Variants in CTNNA2 observed in about 807,000 individuals in gnomAD.
The protein encoded by CTNNA2 is catenin alpha-2.
Under a neutral mutation model 101.0 loss-of-function variants are expected in CTNNA2, and 42 were observed. That is an observed-to-expected ratio of 0.42 (90% CI 0.32 to 0.54). The LOEUF (loss-of-function observed/expected upper bound fraction) is 0.54, where lower values mean the gene tolerates loss of function less well. Ranked by LOEUF, CTNNA2 falls within the 20% of genes least tolerant of loss-of-function variation. The pLI is 0.14. For synonymous variants in CTNNA2, 450 were observed against 456.4 expected, an observed-to-expected ratio of 0.99 and a Z score of 0.18; for missense variants, 871 against 1,223.1, an observed-to-expected ratio of 0.71 and a Z score of 4.29.
chr2:79,702,861 G>A (rs575746036), intron 2 of CTNNA2, among the ~76,000 whole-genome samples: 4 of 152,250 alleles, frequency 2.6e-5, no homozygotes, highest in East Asian at 3.9e-4. Flanking sequence ...TTACTGCTAC[G>A]AAAGTCTAAA....
chr2:79,825,290 A>G (rs1678339485), intron 3 of CTNNA2, among the ~76,000 whole-genome samples: 1 of 152,188 alleles, frequency 6.6e-6, no homozygotes, highest in South Asian at 2.1e-4. Context: ...ACAGGACTTT[A>G]AAGTGATGAT....
In CTNNA2 at chr2:79,652,522, T is replaced by C. The variant is rs139459234; in HGVS notation, c.102+864T>C. Among the ~76,000 whole-genome samples, 14 of 152,254 alleles carry C rather than the reference T, an allele frequency of 9.2e-5. No homozygotes were observed. In the East Asian group the frequency reaches 2.7e-3, roughly 29 times the overall value. ...GCATCTTCAAATTTCTCTTGCACTCTGACCTTTGCTTTTGTCCTTGCATCC... is the reference window on the plus strand; with the variant it reads ...GCATCTTCAAATTTCTCTTGCACTCCGACCTTTGCTTTTGTCCTTGCATCC... On this transcript the variant is annotated intron_variant, in intron 2 of 18. Coordinates refer to ENST00000402739, the MANE Select transcript of CTNNA2 (RefSeq NM_001282597.3).
At position 80,081,721 on chromosome 2, in the gene CTNNA2, C is replaced by T. The variant is rs182573332; in HGVS notation, c.1056+171924C>T. ...CTATTTTCCATCCAAGTTACTACTCCGCTAAGACAATCTCTCTCTCTCTCT... is the reference window on the plus strand; with the variant it reads ...CTATTTTCCATCCAAGTTACTACTCTGCTAAGACAATCTCTCTCTCTCTCT... On this transcript the variant is annotated intron_variant, in intron 7 of 18. Transcript: ENST00000402739. Among the ~76,000 whole-genome samples, 373 of 151,890 alleles carry T rather than the reference C, an allele frequency of 2.5e-3. 2 individuals carry two copies. The highest frequency in any genetic ancestry group is 8.0e-3 in the African/African-American group (333 of 41,434).
intron 1 of CTNNA2, among the ~76,000 whole-genome samples, chr2:79,543,969 A>G (rs1033851639): frequency 6.6e-6 from 1 of 152,014 alleles, no homozygotes; most frequent in African/African-American, 2.4e-5. Context: ...TTGGAAATGG[A>G]GTCTCACTCT....
chr2:79,706,107 G>C (rs190651706), intron 2 of CTNNA2, among the ~76,000 whole-genome samples: 4 of 152,098 alleles, frequency 2.6e-5, no homozygotes, highest in Admixed American at 2.0e-4. Context: ...GCTTATACCT[G>C]TAATCCCAGC....
At chr2:80,434,681 G>T (rs1681873352) in intron 9 of CTNNA2, among the ~76,000 whole-genome samples, 1 of 151,780 alleles carries the variant, frequency 6.6e-6, no homozygotes, top group Non-Finnish European at 1.5e-5. Flanking sequence ...TGCCTAGGCT[G>T]GTCTGGAACT....
At chr2:79,938,569 C>A (rs1249525099) in intron 7 of CTNNA2, among the ~76,000 whole-genome samples, 1 of 152,130 alleles carries the variant, frequency 6.6e-6, no homozygotes, top group Admixed American at 6.5e-5. Flanking sequence ...GCGATCTGTT[C>A]GCATTATGCA....
chr2:79,622,827 C>G (rs1430190394), intron 1 of CTNNA2, among the ~76,000 whole-genome samples: 1 of 152,002 alleles, frequency 6.6e-6, no homozygotes, highest in African/African-American at 2.4e-5. Flanking sequence ...TTTTTAATGG[C>G]CGAGTCTGTA....
At chr2:79,781,425 C>T (rs960514518) in intron 3 of CTNNA2, among the ~76,000 whole-genome samples, 9 of 152,070 alleles carry the variant, frequency 5.9e-5, no homozygotes, top group African/African-American at 1.7e-4. Flanking sequence ...TCTGGGAATG[C>T]GGCCCAGTAG....
chr2:80,233,684 T>C (rs1288761226), intron 7 of CTNNA2, among the ~76,000 whole-genome samples: 1 of 152,176 alleles, frequency 6.6e-6, no homozygotes, highest in African/African-American at 2.4e-5. Context: ...GTGATGACAA[T>C]TAGCAGTCAG....
chr2:80,097,923 G>A (rs1700266900), intron 7 of CTNNA2, among the ~76,000 whole-genome samples: 1 of 151,958 alleles, frequency 6.6e-6, no homozygotes, highest in Non-Finnish European at 1.5e-5. Context: ...TTTTTTCAAG[G>A]TTTTTAACTT....
intron 8 of CTNNA2, among the ~76,000 whole-genome samples, chr2:80,410,438 G>A (rs533497009): frequency 1.1e-4 from 17 of 152,308 alleles, no homozygotes; most frequent in African/African-American, 4.1e-4. Context: ...ACCTTTAAAT[G>A]TCTTGTCTTA....
chr2:80,118,996 TA>T (rs1475453563), intron 7 of CTNNA2, among the ~76,000 whole-genome samples: 7 of 152,216 alleles, frequency 4.6e-5, no homozygotes, highest in Non-Finnish European at 1.0e-4. Context: ...GTGGATGCAA[TA>T]CGCTACCCTC....
chr2:79,757,237 A>G (rs114287710), intron 3 of CTNNA2, among the ~76,000 whole-genome samples: 2 of 149,984 alleles, frequency 1.3e-5, no homozygotes, highest in African/African-American at 5.0e-5. Flanking sequence ...ATATTTATAG[A>G]TTATTAACTG....
chr2:79,658,210 T>TTAGA (rs1402436822), intron 2 of CTNNA2, among the ~76,000 whole-genome samples: 2 of 152,094 alleles, frequency 1.3e-5, no homozygotes, highest in African/African-American at 4.8e-5. Context: ...TGCATAGGCT[T>TTAGA]TAGAGTCAGA....
At chr2:80,418,346 A>G (rs1680216964) in intron 8 of CTNNA2, among the ~76,000 whole-genome samples, 1 of 152,240 alleles carries the variant, frequency 6.6e-6, no homozygotes, top group South Asian at 2.1e-4. Flanking sequence ...TAAATGACAC[A>G]TTATACATGA....
intron 2 of CTNNA2, among the ~76,000 whole-genome samples, chr2:79,266,868 T>C (rs1454930650): frequency 6.6e-6 from 1 of 152,060 alleles, no homozygotes; most frequent in African/African-American, 2.4e-5. Flanking sequence ...ATGTATTTCA[T>C]GAAAGCAATA....
In CTNNA2 at chr2:80,430,031, G is replaced by T. The variant is rs1194640471; in HGVS notation, c.1290+10430G>T. 2.0e-5 allele frequency among the ~76,000 whole-genome samples: 3 copies of T among 152,174 alleles called. No homozygotes were observed. The East Asian group carries it at 5.8e-4, about 29-fold the overall frequency. On this transcript the variant is annotated intron_variant, in intron 9 of 18. Coordinates refer to ENST00000402739, the MANE Select transcript of CTNNA2 (RefSeq NM_001282597.3). Reference sequence around the variant, plus strand: ...AAATCAATTTTTTTCATATGTAAGAGAAACCAACTATTAGTTTCCATGAAA... The same window carrying T: ...AAATCAATTTTTTTCATATGTAAGATAAACCAACTATTAGTTTCCATGAAA...
intron 7 of CTNNA2, among the ~76,000 whole-genome samples, chr2:80,050,909 G>A (rs1008969888): frequency 2.6e-5 from 4 of 151,998 alleles, no homozygotes; most frequent in Admixed American, 1.3e-4. Flanking sequence ...TTTTCGTAGC[G>A]ATGGAGTCTC....
Sources: allele counts gnomAD v4.1 joint callset (sites outside exome capture counted in the v4.1 genomes callset), GRCh38; gene constraint gnomAD v4.1.1; transcripts MANE v1.5; gene names NCBI Gene and HGNC (gene_info 2026-07-23, HGNC 2026-07-21).